The following NRG2 variants were observed in gnomAD, a reference collection of about 807,000 sequenced individuals.
NRG2 encodes pro-neuregulin-2, membrane-bound isoform.
A neutral mutation model predicts 73.9 loss-of-function variants in NRG2; 27 were observed. That is an observed-to-expected ratio of 0.37 (90% confidence interval 0.27 to 0.50). The LOEUF (loss-of-function observed/expected upper bound fraction) is 0.50. NRG2 is among the 20% of genes least tolerant of loss of function. NRG2 has a pLI of 0.96. For missense variants in NRG2, 1,126 were observed against 1,210.1 expected, an observed-to-expected ratio of 0.93 and a Z score of 1.03; for synonymous variants, 532 against 541.0, an observed-to-expected ratio of 0.98 and a Z score of 0.23.
chr5:139,951,321 T>C (rs1754180524), intron 1 of NRG2, among the ~76,000 whole-genome samples: 1 of 152,206 alleles, frequency 6.6e-6, no homozygotes, highest in East Asian at 1.9e-4. Context: ...TGGCTACTTA[T>C]CGAGAGGTAG....
chr5:139,929,782 TC>T (rs1247731403), intron 1 of NRG2, among the ~76,000 whole-genome samples: 1 of 152,212 alleles, frequency 6.6e-6, no homozygotes, highest in Non-Finnish European at 1.5e-5. Flanking sequence ...GACTCCTTCC[TC>T]TGGCTGGGGC....
chr5:139,855,477 C>G (rs1053793159), intron 6 of NRG2, among the ~76,000 whole-genome samples, 199 bp downstream of exon 6: 7 of 152,252 alleles, frequency 4.6e-5, no homozygotes, highest in Admixed American at 2.0e-4. Flanking sequence ...GCCTGTCTCC[C>G]TGACCCTCTG....
intron 1 of NRG2, among the ~76,000 whole-genome samples, chr5:139,939,848 T>C (rs961858827): frequency 6.6e-6 from 1 of 151,898 alleles, no homozygotes; most frequent in African/African-American, 2.4e-5. Context: ...AAAAAATATA[T>C]AGCAATGGCA....
At chr5:139,911,636 G>T (rs367732663) in intron 1 of NRG2, among the ~76,000 whole-genome samples, 3 of 152,186 alleles carry the variant, frequency 2.0e-5, no homozygotes, top group Non-Finnish European at 2.9e-5. Context: ...GCCTCTTCCA[G>T]GGCATGCCTT....
intron 1 of NRG2, among the ~76,000 whole-genome samples, chr5:139,908,995 C>G (rs753032617): frequency 2.6e-5 from 4 of 152,230 alleles, no homozygotes; most frequent in Non-Finnish European, 4.4e-5. Flanking sequence ...GCCATGGGAA[C>G]TCTTTCCTCT....
chr5:140,001,219 T>C (rs1223071576), intron 1 of NRG2, among the ~76,000 whole-genome samples: 5 of 152,188 alleles, frequency 3.3e-5, no homozygotes, highest in Non-Finnish European at 7.3e-5. Context: ...TCCTCATAAC[T>C]AGCCTAAAAA....
At chr5:140,027,165 G>A (rs780454245) in intron 1 of NRG2, among the ~76,000 whole-genome samples, 2 of 151,962 alleles carry the variant, frequency 1.3e-5, no homozygotes, top group South Asian at 2.1e-4. Flanking sequence ...AAAAAAAATT[G>A]TAGAGATGAG....
chr5:139,899,017 C>T (rs986138021), intron 1 of NRG2, among the ~76,000 whole-genome samples: 1 of 152,232 alleles, frequency 6.6e-6, no homozygotes, highest in Non-Finnish European at 1.5e-5. Context: ...TTAGTCTCTT[C>T]TATCTGTTCT....
At chr5:140,025,830 G>A (rs78036640) in intron 1 of NRG2, among the ~76,000 whole-genome samples, 3,888 of 152,276 alleles carry the variant, frequency 0.026, 180 homozygotes, top group African/African-American at 0.088. Flanking sequence ...ATCTTTTGCT[G>A]CAGCTCCATC....
At chr5:140,023,077 C>T (rs915229397) in intron 1 of NRG2, among the ~76,000 whole-genome samples, 2 of 152,218 alleles carry the variant, frequency 1.3e-5, no homozygotes, top group East Asian at 3.8e-4. Context: ...TGCACCTCTA[C>T]CCAACTCCAG....
At chr5:139,903,608 G>A (rs947709584) in intron 1 of NRG2, among the ~76,000 whole-genome samples, 10 of 152,218 alleles carry the variant, frequency 6.6e-5, no homozygotes, top group Non-Finnish European at 1.0e-4. Flanking sequence ...GGGCACGAAA[G>A]TGGGTCGCAA....
At chr5:140,006,689 A>G (rs1758928468) in intron 1 of NRG2, among the ~76,000 whole-genome samples, 1 of 152,238 alleles carries the variant, frequency 6.6e-6, no homozygotes, top group Non-Finnish European at 1.5e-5. Context: ...GTGGAAGAGA[A>G]GAGAGACATG....
chr5:139,977,662 C>G (rs1357681275), intron 1 of NRG2, among the ~76,000 whole-genome samples: 3 of 152,022 alleles, frequency 2.0e-5, no homozygotes, highest in Non-Finnish European at 2.9e-5. Context: ...AAGAACAAAG[C>G]TGGAGGCATC....
At chr5:139,883,668 G>A (rs1190774060) in intron 2 of NRG2, among the ~76,000 whole-genome samples, 1 of 152,170 alleles carries the variant, frequency 6.6e-6, no homozygotes, top group Non-Finnish European at 1.5e-5. Context: ...CCTCTACTAG[G>A]TGAGATGTGT....
At chr5:139,899,811 G>A (rs529366308) in intron 1 of NRG2, among the ~76,000 whole-genome samples, 1 of 152,298 alleles carries the variant, frequency 6.6e-6, no homozygotes, top group South Asian at 2.1e-4. Flanking sequence ...TTGTTGAGGG[G>A]CATGGAAGAG....
intron 9 of NRG2, 73 bp from the exon 10 acceptor site, chr5:139,848,770 G>GGT: frequency 1.3e-5 from 2 of 159,398 alleles, no homozygotes; most frequent in Non-Finnish European, 1.2e-5. Flanking sequence ...TGGGGGTGGG[G>GGT]TAGGGTGGGA....
intron 1 of NRG2, among the ~76,000 whole-genome samples, chr5:139,941,085 G>A (rs1753363533): frequency 6.6e-6 from 1 of 152,172 alleles, no homozygotes; most frequent in South Asian, 2.1e-4. Flanking sequence ...GTGAGATTGG[G>A]CAACTGCAGG....
At chr5:139,908,287 T>C (rs1265023200) in intron 1 of NRG2, among the ~76,000 whole-genome samples, 9 of 152,122 alleles carry the variant, frequency 5.9e-5, no homozygotes, top group Admixed American at 5.9e-4. Context: ...TTAATCTGAC[T>C]GGAATGTGCA....
chr5:139,934,021 A>T (rs1254036084), intron 1 of NRG2, among the ~76,000 whole-genome samples: 3 of 152,126 alleles, frequency 2.0e-5, no homozygotes, highest in Non-Finnish European at 4.4e-5. Flanking sequence ...AAACATGGAG[A>T]AACCTCGTCT....
Sources: allele counts gnomAD v4.1 joint callset (sites outside exome capture counted in the v4.1 genomes callset), GRCh38; gene constraint gnomAD v4.1.1; transcripts MANE v1.5; gene names NCBI Gene and HGNC (gene_info 2026-07-23, HGNC 2026-07-21).